Variants in DIAPH3 observed in about 807,000 individuals in gnomAD.
DIAPH3 encodes diaphanous related formin 3.
In DIAPH3, 117 loss-of-function variants were observed where a neutral mutation model predicts 144.3. The ratio of observed to expected loss-of-function variants is 0.81; its 90% CI spans 0.70 to 0.95. The LOEUF (loss-of-function observed/expected upper bound fraction) is 0.95, where lower values mean the gene tolerates loss of function less well. DIAPH3 is among the 40% of genes least tolerant of loss of function. The pLI is 0.00. For missense variants in DIAPH3, 1,421 were observed against 1,412.7 expected (o/e 1.01, Z -0.09); for synonymous variants, 519 against 488.9 (o/e 1.06, Z -0.81).
chr13:59,896,833 C>T (rs1451479770), intron 20 of DIAPH3, among the ~76,000 whole-genome samples: 1 of 152,094 alleles, frequency 6.6e-6, no homozygotes, highest in African/African-American at 2.4e-5. Context: ...ACTCTTGAAA[C>T]CCACTGTGTT....
At chr13:59,801,580 T>C (rs2039900904) in intron 25 of DIAPH3, among the ~76,000 whole-genome samples, 1 of 152,334 alleles carries the variant, frequency 6.6e-6, no homozygotes, top group African/African-American at 2.4e-5. Flanking sequence ...CAATTCACTC[T>C]AGTCAGGCAA....
chr13:60,032,832 A>C (rs2054905014), intron 5 of DIAPH3, among the ~76,000 whole-genome samples: 1 of 152,164 alleles, frequency 6.6e-6, no homozygotes, highest in South Asian at 2.1e-4. Flanking sequence ...TCTCTGAAAA[A>C]ACCTTTTTCT....
At chr13:59,775,139 T>C (rs755788293) in intron 25 of DIAPH3, among the ~76,000 whole-genome samples, 1 of 152,198 alleles carries the variant, frequency 6.6e-6, no homozygotes, top group Non-Finnish European at 1.5e-5. Context: ...CATGTTTGAG[T>C]CTTGAGTTAT....
intron 14 of DIAPH3, among the ~76,000 whole-genome samples, chr13:59,980,469 G>C (rs1038648870): frequency 6.6e-6 from 1 of 151,438 alleles, no homozygotes; most frequent in African/African-American, 2.4e-5. Flanking sequence ...CAGGGATAGT[G>C]AATAAAACAA....
In DIAPH3 at chr13:59,822,473, G is replaced by A. The variant is rs764555509; in HGVS notation, c.3027+10634C>T. ...ATTTTTTTTTGTGAGACGGAGTCTC[G>A]CTCTGTCACCAGGCTAGAGTGCAGT... On this transcript the variant is annotated intron_variant, in intron 24 of 27. Coordinates refer to ENST00000400324, the MANE Select transcript of DIAPH3 (RefSeq NM_001042517.2). Among the ~76,000 whole-genome samples, 5 of 151,858 alleles carry A rather than the reference G, an allele frequency of 3.3e-5. No individual in the cohort carries two copies. The South Asian group carries it at 8.3e-4, about 25-fold the overall frequency.
intron 27 of DIAPH3, among the ~76,000 whole-genome samples, chr13:59,756,494 AAGGC>A (rs200670343): frequency 4.3e-5 from 6 of 139,994 alleles, no homozygotes; most frequent in South Asian, 2.6e-4. Flanking sequence ...GGAGGGAAGG[AAGGC>A]AGGCAGGCAG....
intron 9 of DIAPH3, among the ~76,000 whole-genome samples, chr13:60,003,526 T>G (rs1247176427): frequency 6.6e-6 from 1 of 150,498 alleles, no homozygotes; most frequent in East Asian, 1.9e-4. Flanking sequence ...TACATATATA[T>G]ATAGATATAT....
chr13:59,980,697 A>G, intron 14 of DIAPH3, 98 bp downstream of exon 14: 2 of 1,098,364 alleles, frequency 1.8e-6, no homozygotes, highest in Non-Finnish European at 1.4e-6. Context: ...TGAAGCAGAT[A>G]AAGAAGAAAG....
intron 13 of DIAPH3, among the ~76,000 whole-genome samples, chr13:59,981,143 C>T (rs1594208905): frequency 6.6e-6 from 1 of 150,664 alleles, no homozygotes; most frequent in African/African-American, 2.4e-5. Context: ...TTTCTATCAC[C>T]AACTCGTACA....
At chr13:59,724,314 G>A (rs1166375492) in intron 27 of DIAPH3, among the ~76,000 whole-genome samples, 1 of 152,160 alleles carries the variant, frequency 6.6e-6, no homozygotes, top group Non-Finnish European at 1.5e-5. Flanking sequence ...TCACTGCAGA[G>A]TGATCTTATT....
At chr13:59,774,651 C>G (rs2038299766) in intron 26 of DIAPH3, 77 bp downstream of exon 26, 3 of 1,420,188 alleles carry the variant, frequency 2.1e-6, no homozygotes, top group Admixed American at 1.7e-5. Flanking sequence ...CACACAACTT[C>G]AAAAGAATGA....
chr13:60,121,234 G>GA (rs2058836376), intron 2 of DIAPH3, among the ~76,000 whole-genome samples: 2 of 149,098 alleles, frequency 1.3e-5, no homozygotes, highest in African/African-American at 2.5e-5. Flanking sequence ...ATGCTGATAG[G>GA]TTTTTTTTTT....
intron 4 of DIAPH3, among the ~76,000 whole-genome samples, chr13:60,087,947 G>A (rs1017845518): frequency 4.6e-5 from 7 of 152,178 alleles, no homozygotes; most frequent in African/African-American, 9.7e-5. Flanking sequence ...GAGGTGAGGA[G>A]TCTATCACAA....
intron 21 of DIAPH3, among the ~76,000 whole-genome samples, chr13:59,873,396 C>T (rs902422870): frequency 1.5e-4 from 23 of 152,198 alleles, no homozygotes; most frequent in African/African-American, 4.6e-4. Flanking sequence ...TTCACAAAAA[C>T]GACTCACAGT....
At chr13:59,988,445 T>C (rs2051576945) in intron 12 of DIAPH3, among the ~76,000 whole-genome samples, 1 of 151,872 alleles carries the variant, frequency 6.6e-6, no homozygotes, top group Non-Finnish European at 1.5e-5. Context: ...TTTTAAGAAA[T>C]CATAATTTTA....
Position 60,054,601 on chromosome 13 carries a change from A to G in DIAPH3, c.496-11781T>C, listed in dbSNP as rs190910516. Reference sequence around the variant, plus strand: ...GAGACTTGTGAAGAAGAATGAGATGATATGAAATGTCAAGACTATTTAAAG... The same window carrying G: ...GAGACTTGTGAAGAAGAATGAGATGGTATGAAATGTCAAGACTATTTAAAG... On this transcript the variant is annotated intron_variant, in intron 4 of 27. Transcript: ENST00000400324. Among the ~76,000 whole-genome samples, 501 of 152,120 alleles carry G rather than the reference A, an allele frequency of 3.3e-3. 2 individuals carry two copies. The highest frequency in any genetic ancestry group is 0.011 in the African/African-American group (461 of 41,548).
intron 9 of DIAPH3, among the ~76,000 whole-genome samples, chr13:60,005,430 G>A (rs2052797347): frequency 6.6e-6 from 1 of 152,174 alleles, no homozygotes; most frequent in South Asian, 2.1e-4. Flanking sequence ...AAAATTGACT[G>A]TGGTAAAGAT....
At chr13:59,974,267 C>T in intron 15 of DIAPH3, 85 bp downstream of exon 15, 1 of 998,362 alleles carries the variant, frequency 1.0e-6, no homozygotes, top group Non-Finnish European at 1.6e-6. Flanking sequence ...AAAGTTTAAA[C>T]ATTTTGATGC....
chr13:59,791,696 GT>G (rs2039333846), intron 25 of DIAPH3, among the ~76,000 whole-genome samples: 1 of 152,194 alleles, frequency 6.6e-6, no homozygotes, highest in Admixed American at 6.5e-5. Flanking sequence ...CAAAGAGGTA[GT>G]AGCTTTCAGA....
Sources: allele counts gnomAD v4.1 joint callset (sites outside exome capture counted in the v4.1 genomes callset), GRCh38; gene constraint gnomAD v4.1.1; transcripts MANE v1.5; gene names NCBI Gene and HGNC (gene_info 2026-07-23, HGNC 2026-07-21).